AGO3: variants seen among roughly 807,000 people sequenced by gnomAD.
The protein encoded by AGO3 is protein argonaute-3.
Under a neutral mutation model 105.5 loss-of-function variants are expected in AGO3, and 16 were observed. The observed-to-expected ratio is 0.15, with a 90% CI of 0.10 to 0.23. The LOEUF (loss-of-function observed/expected upper bound fraction) is 0.23, where lower values mean the gene tolerates loss of function less well. AGO3 is among the 10% of genes least tolerant of loss of function. The pLI is 1.00. For missense variants in AGO3, 534 were observed against 1,088.0 expected (o/e 0.49, Z 7.16); for synonymous variants, 340 against 367.3 (o/e 0.93, Z 0.85).
At chr1:36,003,482 G>T (rs965258322) in intron 5 of AGO3, among the ~76,000 whole-genome samples, 1 of 151,044 alleles carries the variant, frequency 6.6e-6, no homozygotes, top group African/African-American at 2.4e-5. Flanking sequence ...ATCACCTGAG[G>T]TCAGGAGTTC....
intron 8 of AGO3, 126 bp downstream of exon 8, chr1:36,009,170 T>A: frequency 8.3e-7 from 1 of 1,204,758 alleles, no homozygotes; most frequent in Non-Finnish European, 1.1e-6. Context: ...AGTTTTAATT[T>A]ATTCTAAATT....
chr1:36,012,055 T>C (rs1239866351), intron 9 of AGO3, among the ~76,000 whole-genome samples: 1 of 151,978 alleles, frequency 6.6e-6, no homozygotes, highest in Non-Finnish European at 1.5e-5. Flanking sequence ...GGTGCCTAAT[T>C]TAGAAAATGG....
At chr1:35,965,851 G>A (rs1259944075) in intron 2 of AGO3, among the ~76,000 whole-genome samples, 1 of 137,738 alleles carries the variant, frequency 7.3e-6, no homozygotes, top group Non-Finnish European at 1.5e-5. Context: ...TTGAGACAGA[G>A]TTTTGCTCTT....
chr1:35,987,577 A>C (rs538403778), intron 5 of AGO3, among the ~76,000 whole-genome samples: 43 of 152,218 alleles, frequency 2.8e-4, no homozygotes, highest in African/African-American at 9.6e-4. Context: ...AAGTAAAATT[A>C]TAAAACAGAT....
At chr1:36,051,989 T>A (rs143867319) in intron 17 of AGO3, among the ~76,000 whole-genome samples, 27 of 152,204 alleles carry the variant, frequency 1.8e-4, no homozygotes, top group African/African-American at 5.5e-4. Flanking sequence ...AGTACAGCCA[T>A]TAGGGAAATC....
intron 12 of AGO3, 125 bp from the exon 13 acceptor site, chr1:36,034,049 T>C: frequency 1.1e-6 from 1 of 911,836 alleles, no homozygotes; most frequent in Non-Finnish European, 1.5e-6. Context: ...TGTATTGGCA[T>C]AATTTTTGGT....
At position 35,972,005 on chromosome 1, in the gene AGO3, A is replaced by T; in HGVS notation, c.313-19A>T. 1 of 1,605,094 alleles carries T rather than the reference A, an allele frequency of 6.2e-7. No homozygotes were observed. Reference sequence around the variant, plus strand: ...TATCTTTTTCAACATTTACCAGTTGACTCTTTTCCCATCAACAGGTAGATT... The same window carrying T: ...TATCTTTTTCAACATTTACCAGTTGTCTCTTTTCCCATCAACAGGTAGATT... On this transcript the variant is annotated intron_variant, in intron 3 of 18. Transcript: ENST00000373191.
rs751821633 is a variant in AGO3, at chr1:36,014,022, G to C, written c.1380G>C (p.Gln460His). The part of the protein sequence containing the change: ...KMWAIACFAT[Q>H]RQCREEILKG... Reference sequence around the variant, plus strand: ...GGGCTATCGCTTGTTTTGCCACACAGAGGCAGTGCAGAGAAGAAATATTGA... The same window carrying C: ...GGGCTATCGCTTGTTTTGCCACACACAGGCAGTGCAGAGAAGAAATATTGA... The change falls in exon 11 of 19, where the codon CAG becomes CAC. Residue 460 changes from glutamine to histidine, a missense_variant. Around this residue, in one of 2 missense-constraint regions of AGO3, gnomAD observed 373 missense variants for 854.0 expected, o/e 0.44. Transcript: ENST00000373191. 1.2e-6 allele frequency: 2 copies of C among 1,614,188 alleles called. No individual in the cohort carries two copies. Among genetic ancestry groups the C allele is most frequent in the East Asian group, 2.2e-5 (1 of 44,886 alleles).
rs1040967995 is a variant in AGO3 at position 35,931,355 on chromosome 1, C to G, written c.-72C>G. On this transcript the variant is annotated 5_prime_UTR_variant, in exon 1 of 19. Coordinates refer to ENST00000373191, the MANE Select transcript of AGO3 (RefSeq NM_024852.4). The stretch of plus-strand genomic sequence containing the variant: ...GTGCCCGTCGCGTCGCGCCGCGTCG[C>G]CCCCCGGGCCGCCTCCTTGCCGCCA... 3 of 1,357,978 alleles carry G rather than the reference C, an allele frequency of 2.2e-6. No homozygotes were observed. The African/African-American group carries it at 4.6e-5, about 21-fold the overall frequency. The allele number at this position is 1,357,978 out of a possible 1,614,324, so 84.1% of individuals were successfully genotyped here.
chr1:36,041,190 A>T (rs1642230847), intron 16 of AGO3, among the ~76,000 whole-genome samples: 3 of 150,990 alleles, frequency 2.0e-5, no homozygotes, highest in Admixed American at 2.0e-4. Flanking sequence ...ATTTTTTATA[A>T]TTAGGAAGGA....
At chr1:36,014,315 C>T (rs1310640810) in intron 11 of AGO3, among the ~76,000 whole-genome samples, 4 of 151,884 alleles carry the variant, frequency 2.6e-5, no homozygotes, top group Admixed American at 6.6e-5. Flanking sequence ...TGTGCCACCA[C>T]GCCCAGCTAA....
At chr1:35,952,682 A>G (rs1646495683) in intron 2 of AGO3, among the ~76,000 whole-genome samples, 2 of 152,166 alleles carry the variant, frequency 1.3e-5, no homozygotes, top group Admixed American at 1.3e-4. Flanking sequence ...ACAGTTGCCT[A>G]CAGTATTCAG....
intron 5 of AGO3, among the ~76,000 whole-genome samples, chr1:35,973,969 G>A (rs1466212136): frequency 1.3e-5 from 2 of 152,164 alleles, no homozygotes; most frequent in African/African-American, 2.4e-5. Flanking sequence ...AACAGAGAGA[G>A]TAGTATTATG....
chr1:35,954,205 G>A (rs1370994085), intron 2 of AGO3, among the ~76,000 whole-genome samples: 3 of 152,128 alleles, frequency 2.0e-5, no homozygotes, highest in Non-Finnish European at 4.4e-5. Context: ...TCACTTGGAA[G>A]ATAGGAAAGT....
At chr1:36,045,778 G>A (rs550968363) in intron 17 of AGO3, among the ~76,000 whole-genome samples, 15 of 152,104 alleles carry the variant, frequency 9.9e-5, no homozygotes, top group Admixed American at 4.6e-4. Flanking sequence ...CCTGACCTCC[G>A]GCGATCCACT....
At position 36,027,727 on chromosome 1, in the gene AGO3, C is replaced by T. The variant is rs1208366556; in HGVS notation, c.1591+429C>T. 2.7e-5 allele frequency among the ~76,000 whole-genome samples: 4 copies of T among 149,564 alleles called. No individual in the cohort carries two copies. The highest frequency in any genetic ancestry group is 6.7e-5 in the Admixed American group (1 of 14,870). Reference sequence around the variant, plus strand: ...CCAGGAGGTGGAGCTTGCAGTGAGCCGAGATCGCACCGGTGCACTCCAGCC... The same window carrying T: ...CCAGGAGGTGGAGCTTGCAGTGAGCTGAGATCGCACCGGTGCACTCCAGCC... On this transcript the variant is annotated intron_variant, in intron 12 of 18. Coordinates refer to ENST00000373191, the MANE Select transcript of AGO3 (RefSeq NM_024852.4). The surrounding 1 kb of genome is among the most constrained non-coding windows in gnomAD (Gnocchi z 4.0).
intron 2 of AGO3, among the ~76,000 whole-genome samples, chr1:35,948,053 T>C (rs889912567): frequency 4.6e-5 from 7 of 151,964 alleles, no homozygotes; most frequent in African/African-American, 1.5e-4. Context: ...GGCAACATAG[T>C]GAGACCACAT....
chr1:36,030,197 A>T (rs957906685), intron 12 of AGO3, among the ~76,000 whole-genome samples: 2 of 152,148 alleles, frequency 1.3e-5, no homozygotes, highest in African/African-American at 2.4e-5. Flanking sequence ...GTTTGTTTTT[A>T]TTCATAGTTA....
At position 36,002,715 on chromosome 1, in the gene AGO3, A is replaced by C. The variant is rs930081226; in HGVS notation, c.659-1626A>C. On this transcript the variant is annotated intron_variant, in intron 5 of 18. Transcript: ENST00000373191. ...GAGATAACTACTGTTAAAGCTTTGA[A>C]AATATCCTCCCAGAGGTAAGGAACA... Among the ~76,000 whole-genome samples, 50 of 152,060 alleles carry C rather than the reference A, an allele frequency of 3.3e-4. 1 individual carries two copies. Among genetic ancestry groups the C allele is most frequent in the Non-Finnish European group, 4.4e-5 (3 of 68,016 alleles).
Sources: allele counts gnomAD v4.1 joint callset (sites outside exome capture counted in the v4.1 genomes callset), GRCh38; gene constraint gnomAD v4.1.1; regional missense constraint gnomAD v4.1.1; non-coding constraint Gnocchi (gnomAD v3.1); transcripts MANE v1.5; gene names NCBI Gene and HGNC (gene_info 2026-07-23, HGNC 2026-07-21).